FLRT2: variants seen among roughly 807,000 people sequenced by gnomAD.
FLRT2 encodes the protein leucine-rich repeat transmembrane protein FLRT2.
FLRT2 carries 15 observed loss-of-function variants against 40.0 expected under a neutral mutation model. The ratio of observed to expected loss-of-function variants is 0.38; its 90% CI spans 0.25 to 0.58. The LOEUF is 0.58. Among genes scored for constraint, FLRT2 ranks in the 20% least tolerant of loss-of-function variants. The pLI, the probability that FLRT2 is intolerant of heterozygous loss-of-function variation, is 0.71. For synonymous variants in FLRT2, 380 were observed against 336.8 expected (o/e 1.13, Z -1.41); for missense variants, 726 against 840.0 (o/e 0.86, Z 1.68).
At chr14:85,531,567 C>A (rs1170732637) in intron 1 of FLRT2, among the ~76,000 whole-genome samples, 2 of 152,092 alleles carry the variant, frequency 1.3e-5, no homozygotes, top group Non-Finnish European at 2.9e-5. Context: ...ACTTGATACC[C>A]GGGAAACTCC....
chr14:85,585,580 CAT>C (rs35685599), intron 1 of FLRT2, among the ~76,000 whole-genome samples: 1,665 of 152,146 alleles, frequency 0.011, 25 homozygotes, highest in African/African-American at 0.035. Context: ...CAGAAAGAAT[CAT>C]GTGTGTGTGT....
chr14:85,565,212 C>T (rs1890563712), intron 1 of FLRT2, among the ~76,000 whole-genome samples: 1 of 152,066 alleles, frequency 6.6e-6, no homozygotes, highest in Admixed American at 6.6e-5. Flanking sequence ...CCTTCCTGAC[C>T]CAAATAGCAT....
chr14:85,534,915 T>C (rs1437946302), intron 1 of FLRT2, among the ~76,000 whole-genome samples: 1 of 151,276 alleles, frequency 6.6e-6, no homozygotes, highest in African/African-American at 2.4e-5. Flanking sequence ...ATTATGATCA[T>C]TATTTATTCG....
chr14:85,593,126 T>C (rs2139320311), intron 1 of FLRT2, among the ~76,000 whole-genome samples: 1 of 152,362 alleles, frequency 6.6e-6, no homozygotes, highest in East Asian at 1.9e-4. Context: ...CACCAGGTTA[T>C]ACTGTTTTTT....
At chr14:85,619,853 A>C (rs2057312) in intron 1 of FLRT2, among the ~76,000 whole-genome samples, 2,852 of 152,312 alleles carry the variant, frequency 0.019, 86 homozygotes, top group African/African-American at 0.065. Context: ...CATGATTACT[A>C]TCTGTGGATT....
chr14:85,572,505 C>T (rs985214546), intron 1 of FLRT2, among the ~76,000 whole-genome samples: 28 of 152,210 alleles, frequency 1.8e-4, no homozygotes, highest in Non-Finnish European at 3.4e-4. Context: ...TAATTATTCA[C>T]GTCCCGTATT....
intron 1 of FLRT2, among the ~76,000 whole-genome samples, chr14:85,582,892 C>CTA (rs543601170): frequency 0.011 from 1,612 of 149,816 alleles, 17 homozygotes; most frequent in African/African-American, 0.031. Context: ...ATATATCCAA[C>CTA]TATATATATA....
chr14:85,597,026 AAATAG>A (rs1400729635), intron 1 of FLRT2, among the ~76,000 whole-genome samples: 1 of 152,156 alleles, frequency 6.6e-6, no homozygotes, highest in African/African-American at 2.4e-5. Context: ...GAGATGAAAA[AAATAG>A]AGAGGAACAC....
intron 1 of FLRT2, among the ~76,000 whole-genome samples, chr14:85,607,812 C>T (rs1036711748): frequency 1.3e-5 from 2 of 152,136 alleles, no homozygotes; most frequent in Non-Finnish European, 2.9e-5. Context: ...TCATACTGCC[C>T]GAACAAAGTA....
At chr14:85,556,512 C>A (rs1889972662) in intron 1 of FLRT2, among the ~76,000 whole-genome samples, 1 of 152,192 alleles carries the variant, frequency 6.6e-6, no homozygotes. Flanking sequence ...ATATGCTACT[C>A]TGCAGGGCGC....
At chr14:85,603,267 C>T (rs1466574698) in intron 1 of FLRT2, among the ~76,000 whole-genome samples, 1 of 151,908 alleles carries the variant, frequency 6.6e-6, no homozygotes, top group Non-Finnish European at 1.5e-5. Flanking sequence ...GAGCTATCTA[C>T]AGAGAACAGT....
intron 1 of FLRT2, among the ~76,000 whole-genome samples, chr14:85,598,922 T>TTG (rs1555369594): frequency 6.7e-6 from 1 of 148,310 alleles, no homozygotes; most frequent in Non-Finnish European, 1.5e-5. Flanking sequence ...GATGGTTTTT[T>TTG]TTTTTTTTTT....
rs73321504 is a variant in FLRT2 at position 85,595,042 on chromosome 14, C to T, written c.-376-26097C>T. 7.6e-3 allele frequency among the ~76,000 whole-genome samples: 1,155 copies of T among 152,004 alleles called. 9 individuals carry two copies. Among genetic ancestry groups the T allele is most frequent in the African/African-American group, 0.026 (1,096 of 41,480 alleles). ...TCCTCATCTTCTTCACATTAATAGG[C>T]TGAGGGGGAGGAGGAAGAGGAGGGG... On this transcript the variant is annotated intron_variant, in intron 1 of 1. Coordinates refer to ENST00000330753, the MANE Select transcript of FLRT2 (RefSeq NM_013231.6).
chr14:85,571,233 G>A (rs1462363661), intron 1 of FLRT2, among the ~76,000 whole-genome samples: 1 of 152,036 alleles, frequency 6.6e-6, no homozygotes, highest in Non-Finnish European at 1.5e-5. Flanking sequence ...TTAACTTAGG[G>A]TCTGCTATCA....
At chr14:85,584,295 T>C (rs1262987969) in intron 1 of FLRT2, among the ~76,000 whole-genome samples, 1 of 152,194 alleles carries the variant, frequency 6.6e-6, no homozygotes, top group Admixed American at 6.5e-5. Flanking sequence ...TAGTATTGAC[T>C]CAGGACATTG....
intron 1 of FLRT2, among the ~76,000 whole-genome samples, chr14:85,611,319 A>G (rs560901956): frequency 2.3e-4 from 35 of 152,352 alleles, no homozygotes; most frequent in African/African-American, 8.2e-4. Context: ...GAGAAATACT[A>G]GTTTTAAAGA....
At chr14:85,613,298 A>G (rs967348855) in intron 1 of FLRT2, among the ~76,000 whole-genome samples, 1 of 152,100 alleles carries the variant, frequency 6.6e-6, no homozygotes, top group Non-Finnish European at 1.5e-5. Context: ...TTTCTGAGTG[A>G]CCCTATTTCT....
Position 85,586,838 on chromosome 14 carries a change from C to T in FLRT2, c.-376-34301C>T, listed in dbSNP as rs1042089816. 1.1e-4 allele frequency among the ~76,000 whole-genome samples: 16 copies of T among 152,224 alleles called. No individual in the cohort carries two copies. The South Asian group carries it at 1.9e-3, about 18-fold the overall frequency. On this transcript the variant is annotated intron_variant, in intron 1 of 1. Coordinates refer to ENST00000330753, the MANE Select transcript of FLRT2 (RefSeq NM_013231.6). Reference sequence around the variant, plus strand: ...ATGGTAGATATAGAATCAGTTTAGTCGTGATCCTGTCATTTGTACAGTGGG... The same window carrying T: ...ATGGTAGATATAGAATCAGTTTAGTTGTGATCCTGTCATTTGTACAGTGGG...
intron 1 of FLRT2, among the ~76,000 whole-genome samples, chr14:85,539,200 A>G (rs1888840787): frequency 6.6e-6 from 1 of 151,956 alleles, no homozygotes; most frequent in African/African-American, 2.4e-5. Context: ...TATACAGGAA[A>G]GTCCTACCTG....
Sources: allele counts gnomAD v4.1 joint callset (sites outside exome capture counted in the v4.1 genomes callset), GRCh38; gene constraint gnomAD v4.1.1; transcripts MANE v1.5; gene names NCBI Gene and HGNC (gene_info 2026-07-23, HGNC 2026-07-21).